Variants in ZNF385D observed in about 807,000 individuals in gnomAD.
ZNF385D encodes zinc finger protein 659.
Under a neutral mutation model 35.8 loss-of-function variants are expected in ZNF385D, and 15 were observed. The observed-to-expected ratio is 0.42, with a 90% CI of 0.28 to 0.64. The LOEUF is 0.64. ZNF385D is among the 30% of genes least tolerant of loss of function. The probability of loss-of-function intolerance (pLI) is 0.23; values close to 1 mark genes in which losing one functional copy is unlikely to be tolerated. For synonymous variants in ZNF385D, 212 were observed against 186.8 expected, an observed-to-expected ratio of 1.13 and a Z score of -1.10; for missense variants, 474 against 494.6, an observed-to-expected ratio of 0.96 and a Z score of 0.39.
At chr3:21,732,038 T>TTTTTTTTGAGAACGGAG (rs2069032473) in intron 1 of ZNF385D, among the ~76,000 whole-genome samples, 1 of 16,570 alleles carries the variant, frequency 6.0e-5, no homozygotes, top group Non-Finnish European at 1.3e-4. Context: ...GGGTTTTTTT[T>TTTTTTTTGAGAACGGAG]TTTTTTTTTT....
intron 3 of ZNF385D, among the ~76,000 whole-genome samples, chr3:21,762,938 G>A (rs535572477): frequency 6.6e-5 from 10 of 152,212 alleles, no homozygotes; most frequent in Non-Finnish European, 1.5e-4. Flanking sequence ...CCCTTCCACA[G>A]TGCTGACCTA....
intron 2 of ZNF385D, among the ~76,000 whole-genome samples, chr3:22,180,306 C>A (rs113431506): frequency 3.0e-3 from 464 of 152,272 alleles, no homozygotes; most frequent in African/African-American, 0.011. Context: ...AGCTTACTAA[C>A]CAAACATGTA....
chr3:21,842,185 A>G (rs1012631448), intron 3 of ZNF385D, among the ~76,000 whole-genome samples: 9 of 151,938 alleles, frequency 5.9e-5, no homozygotes, highest in African/African-American at 1.7e-4. Flanking sequence ...TCTTTTCTCA[A>G]TGTTGCAAGT....
intron 1 of ZNF385D, among the ~76,000 whole-genome samples, chr3:21,725,719 C>G (rs2068731017): frequency 6.6e-6 from 1 of 152,092 alleles, no homozygotes; most frequent in Admixed American, 6.5e-5. Flanking sequence ...AGTCCAGGAC[C>G]AGAAAAATTG....
At chr3:21,904,736 G>A (rs9856677) in intron 3 of ZNF385D, among the ~76,000 whole-genome samples, 11,048 of 152,136 alleles carry the variant, frequency 0.073, 509 homozygotes, top group South Asian at 0.21. Flanking sequence ...CTTTTGTGAT[G>A]CTAGATTTAG....
intron 3 of ZNF385D, among the ~76,000 whole-genome samples, chr3:21,972,666 A>T (rs1020706488): frequency 2.0e-5 from 3 of 151,648 alleles, no homozygotes; most frequent in Non-Finnish European, 3.0e-5. Context: ...AATTATAAAG[A>T]AAGTTGATAA....
chr3:22,283,724 G>A (rs1055109174), intron 2 of ZNF385D, among the ~76,000 whole-genome samples: 3 of 152,118 alleles, frequency 2.0e-5, no homozygotes, highest in Non-Finnish European at 4.4e-5. Flanking sequence ...GTTAATAAAT[G>A]TGTGATGTGC....
Position 21,901,119 on chromosome 3 carries a change from T to C in ZNF385D, c.326-236091A>G, listed in dbSNP as rs564143672. Among the ~76,000 whole-genome samples, 35 of 152,364 alleles carry C rather than the reference T, an allele frequency of 2.3e-4. No homozygotes were observed. In the South Asian group the frequency reaches 7.2e-3, roughly 32 times the overall value. ...GCTAAGCAAATTGGCTGCATTATTT[T>C]ATTTAATTCTCAATATAATCCTGTT... On this transcript the variant is annotated intron_variant, in intron 3 of 5. Transcript: ENST00000494108.
intron 3 of ZNF385D, among the ~76,000 whole-genome samples, chr3:22,045,332 T>A (rs1042685449): frequency 6.6e-6 from 1 of 152,014 alleles, no homozygotes; most frequent in Non-Finnish European, 1.5e-5. Context: ...AAATATAACA[T>A]AATAAAAGCA....
intron 2 of ZNF385D, among the ~76,000 whole-genome samples, chr3:22,208,773 G>A (rs1462472214): frequency 6.6e-6 from 1 of 151,718 alleles, no homozygotes; most frequent in Non-Finnish European, 1.5e-5. Context: ...TCTAAAATGT[G>A]TTATCAGCCA....
At chr3:21,897,814 A>G (rs1447647451) in intron 3 of ZNF385D, among the ~76,000 whole-genome samples, 1 of 152,162 alleles carries the variant, frequency 6.6e-6, no homozygotes, top group African/African-American at 2.4e-5. Context: ...TGTGATCACC[A>G]TATTAATTTA....
intron 3 of ZNF385D, among the ~76,000 whole-genome samples, chr3:21,768,551 AG>A (rs1214917795): frequency 1.3e-5 from 2 of 151,998 alleles, no homozygotes; most frequent in African/African-American, 2.4e-5. Flanking sequence ...TTAGAGTAGC[AG>A]CAACCCCTCC....
At chr3:22,062,014 C>T (rs1393824942) in intron 3 of ZNF385D, among the ~76,000 whole-genome samples, 1 of 152,140 alleles carries the variant, frequency 6.6e-6, no homozygotes, top group African/African-American at 2.4e-5. Flanking sequence ...TAATTTTAAA[C>T]ATGGAAATGC....
At chr3:21,554,240 T>A (rs1259208530) in intron 3 of ZNF385D, among the ~76,000 whole-genome samples, 1 of 152,210 alleles carries the variant, frequency 6.6e-6, no homozygotes, top group Non-Finnish European at 1.5e-5. Context: ...ACAGTGAATG[T>A]AGTGTTAGCA....
chr3:21,785,378 T>A (rs3111744), intron 3 of ZNF385D, among the ~76,000 whole-genome samples: 1 of 152,038 alleles, frequency 6.6e-6, no homozygotes, highest in African/African-American at 2.4e-5. Context: ...ATCATTTTTT[T>A]TGTGTGTATA....
intron 3 of ZNF385D, among the ~76,000 whole-genome samples, chr3:22,096,631 T>C (rs1033217844): frequency 1.3e-5 from 2 of 151,982 alleles, no homozygotes; most frequent in Non-Finnish European, 2.9e-5. Context: ...GCACCTATAG[T>C]TTGCCTGCAA....
At chr3:22,112,004 T>C (rs1447059819) in intron 3 of ZNF385D, among the ~76,000 whole-genome samples, 1 of 152,102 alleles carries the variant, frequency 6.6e-6, no homozygotes, top group Non-Finnish European at 1.5e-5. Context: ...ATGCATAAAT[T>C]AATCAGACAT....
At chr3:22,154,340 T>A (rs1375002270) in intron 3 of ZNF385D, among the ~76,000 whole-genome samples, 1 of 152,168 alleles carries the variant, frequency 6.6e-6, no homozygotes, top group Non-Finnish European at 1.5e-5. Context: ...CATCATTAAG[T>A]CAAACCCATG....
In ZNF385D at chr3:21,415,241, G is replaced by C. The variant is rs1360696585; in HGVS notation, c.*5973C>G. 1 of 152,036 alleles carries C rather than the reference G, an allele frequency of 6.6e-6. No individual in the cohort carries two copies. The highest frequency in any genetic ancestry group is 2.4e-5 in the African/African-American group (1 of 41,376). 9.4% of individuals were successfully genotyped at this position (152,036 alleles called of 1,614,324 possible). ...AGGCTCTCTCTGCTAATTTTCCGTT[G>C]TCTTGTTATACCATGTCCTGCACAC... On this transcript the variant is annotated 3_prime_UTR_variant, in exon 8 of 8. Coordinates refer to ENST00000281523, the MANE Select transcript of ZNF385D (RefSeq NM_024697.3).
Sources: gnomAD v4.1 joint callset for allele counts (sites outside exome capture counted in the v4.1 genomes callset) on GRCh38, gnomAD v4.1.1 for gene constraint, MANE v1.5 for transcripts, NCBI Gene and HGNC (gene_info 2026-07-23, HGNC 2026-07-21) for gene names.